KIAA1217: variants seen among roughly 807,000 people sequenced by gnomAD.
KIAA1217 encodes the protein sickle tail protein homolog.
A neutral mutation model predicts 163.9 loss-of-function variants in KIAA1217; 88 were observed. The observed-to-expected ratio is 0.54, with a 90% CI of 0.45 to 0.64. KIAA1217 has a LOEUF of 0.64. KIAA1217 is among the 30% of genes least tolerant of loss of function. The pLI is 0.00. For synonymous variants in KIAA1217, 903 were observed against 923.1 expected (o/e 0.98, Z 0.39); for missense variants, 2,372 against 2,475.0 (o/e 0.96, Z 0.88).
intron 5 of KIAA1217, among the ~76,000 whole-genome samples, chr10:24,446,990 C>T (rs939130581): frequency 5.3e-5 from 8 of 152,110 alleles, no homozygotes; most frequent in East Asian, 1.9e-4. Flanking sequence ...GTCATCGCCA[C>T]ATGTCCATGG....
chr10:23,975,419 T>G (rs942035831), intron 1 of KIAA1217, among the ~76,000 whole-genome samples: 1 of 152,226 alleles, frequency 6.6e-6, no homozygotes, highest in African/African-American at 2.4e-5. Context: ...CTTCCAAATT[T>G]TTCTTCCTAA....
intron 2 of KIAA1217, among the ~76,000 whole-genome samples, chr10:24,072,488 G>T (rs1167356946): frequency 6.6e-6 from 1 of 152,084 alleles, no homozygotes; most frequent in Non-Finnish European, 1.5e-5. Context: ...ATAATAATAA[G>T]CATGATTATT....
At chr10:23,860,093 G>A (rs190773207) in intron 1 of KIAA1217, among the ~76,000 whole-genome samples, 61 of 152,228 alleles carry the variant, frequency 4.0e-4, no homozygotes, top group African/African-American at 1.2e-3. Flanking sequence ...CCCCTCGTAC[G>A]TTCTGATTTC....
rs1418971897 is a variant in KIAA1217, at chr10:24,544,183, T to C, written c.4913T>C (p.Val1638Ala). 1.9e-6 allele frequency: 3 copies of C among 1,613,700 alleles called. No homozygotes were observed. In the African/African-American group the frequency reaches 4.0e-5, roughly 22 times the overall value. ...CCTGAAGACACCCCTGAAAACACAG[T>C]GAGGAGGCAAGAGCAGCCCAGCATC... The part of the protein sequence containing the change: ...SQPEDTPENT[V>A]RRQEQPSIES... Residue 1638 changes from valine (V) to alanine (A), a missense_variant, in exon 19 of 21, where the codon GTG (valine) becomes GCG (alanine). Coordinates refer to ENST00000376454, the MANE Select transcript of KIAA1217 (RefSeq NM_019590.5).
intron 1 of KIAA1217, among the ~76,000 whole-genome samples, chr10:23,930,970 A>G (rs1403703723): frequency 6.6e-6 from 1 of 152,126 alleles, no homozygotes; most frequent in Non-Finnish European, 1.5e-5. Context: ...CTTTTTTGCA[A>G]TTAAAGAATA....
intron 1 of KIAA1217, among the ~76,000 whole-genome samples, chr10:23,934,625 A>ATATATATGTATATATATATATATATT (rs1554826424): frequency 1.5e-5 from 1 of 68,570 alleles, no homozygotes; most frequent in African/African-American, 9.2e-5. Context: ...ATATATATAT[A>ATATATATGTATATATATATATATATT]TTTTTTTTTT....
intron 1 of KIAA1217, among the ~76,000 whole-genome samples, chr10:23,709,852 T>C (rs951009542): frequency 6.6e-6 from 1 of 152,238 alleles, no homozygotes; most frequent in Non-Finnish European, 1.5e-5. Context: ...TCTGAAAGCT[T>C]AGCCATTGTG....
chr10:23,845,043 C>T (rs12245001), intron 1 of KIAA1217, among the ~76,000 whole-genome samples: 1,972 of 152,198 alleles, frequency 0.013, 62 homozygotes, highest in African/African-American at 0.045. Context: ...CAGCTTCATC[C>T]ATGTCCCTGC....
intron 1 of KIAA1217, among the ~76,000 whole-genome samples, chr10:23,854,613 G>T (rs1370461004): frequency 1.1e-4 from 17 of 152,232 alleles, no homozygotes; most frequent in Admixed American, 6.5e-5. Flanking sequence ...TGACAGTGGG[G>T]TGTTAAAGTC....
intron 3 of KIAA1217, among the ~76,000 whole-genome samples, chr10:24,430,863 T>A (rs1248773497): frequency 6.6e-6 from 1 of 152,236 alleles, no homozygotes; most frequent in East Asian, 1.9e-4. Context: ...TCCTGCTATG[T>A]GGCCCAGTTC....
chr10:23,739,401 AAGT>A (rs1838984881), intron 1 of KIAA1217, among the ~76,000 whole-genome samples: 1 of 152,202 alleles, frequency 6.6e-6, no homozygotes, highest in African/African-American at 2.4e-5. Flanking sequence ...TTTTTTAAAA[AAGT>A]AGATAAAGAT....
At chr10:24,211,838 A>C (rs961059249) in intron 1 of KIAA1217, among the ~76,000 whole-genome samples, 1 of 151,812 alleles carries the variant, frequency 6.6e-6, no homozygotes, top group African/African-American at 2.4e-5. Flanking sequence ...ATTGAAGGTA[A>C]TGCCCAAAGC....
chr10:24,338,074 G>A lies in KIAA1217; in HGVS notation c.355-42795G>A, dbSNP rs559803338. ...TAATCTAGAAAGCAACCAACAAATGGCCAATGCAGCATGAGTCTCAATGTC... is the reference window on the plus strand; with the variant it reads ...TAATCTAGAAAGCAACCAACAAATGACCAATGCAGCATGAGTCTCAATGTC... On this transcript the variant is annotated intron_variant, in intron 2 of 20. Coordinates refer to ENST00000376454, the MANE Select transcript of KIAA1217 (RefSeq NM_019590.5). 2.0e-5 allele frequency among the ~76,000 whole-genome samples: 3 copies of A among 152,212 alleles called. No individual in the cohort carries two copies. In the East Asian group the frequency reaches 5.8e-4, roughly 29 times the overall value.
intron 2 of KIAA1217, among the ~76,000 whole-genome samples, chr10:24,239,673 ATGTG>A (rs150874554): frequency 2.3e-3 from 337 of 147,452 alleles, no homozygotes; most frequent in Non-Finnish European, 3.1e-3. Flanking sequence ...TTATTCCCAG[ATGTG>A]TGTGTGTGTG....
chr10:23,816,415 C>T (rs555986469), intron 1 of KIAA1217, among the ~76,000 whole-genome samples: 10 of 151,714 alleles, frequency 6.6e-5, no homozygotes, highest in African/African-American at 2.4e-4. Flanking sequence ...GCCTCAGCCT[C>T]CCAAGTAGCT....
chr10:24,377,141 C>A (rs2052617629), intron 2 of KIAA1217, among the ~76,000 whole-genome samples: 1 of 152,130 alleles, frequency 6.6e-6, no homozygotes, highest in South Asian at 2.1e-4. Context: ...ATAGAAAGGA[C>A]AAGTGGGGTT....
chr10:23,717,519 T>TATAC (rs1258605915), intron 1 of KIAA1217, among the ~76,000 whole-genome samples: 3 of 152,128 alleles, frequency 2.0e-5, no homozygotes, highest in African/African-American at 7.2e-5. Flanking sequence ...CAACATGGAA[T>TATAC]ATACATACAT....
At chr10:24,263,576 G>A (rs1234269058) in intron 2 of KIAA1217, among the ~76,000 whole-genome samples, 1 of 152,132 alleles carries the variant, frequency 6.6e-6, no homozygotes, top group Non-Finnish European at 1.5e-5. Context: ...TCAATGCCTT[G>A]TTTTGCAGCC....
In KIAA1217 at chr10:24,386,478, A is replaced by T. The variant is rs1195497891; in HGVS notation, c.553+5411A>T. The stretch of plus-strand genomic sequence containing the variant: ...GAATTGTCTGTCTCTAAAGATGAAA[A>T]CAAAGAGGGGGCAACAACTGTAAGA... On this transcript the variant is annotated intron_variant, in intron 3 of 20. Transcript: ENST00000376454. Among the ~76,000 whole-genome samples, 3 of 152,208 alleles carry T rather than the reference A, an allele frequency of 2.0e-5. No homozygotes were observed. The East Asian group carries it at 5.8e-4, about 29-fold the overall frequency.
Sources: allele counts gnomAD v4.1 joint callset (sites outside exome capture counted in the v4.1 genomes callset), GRCh38; gene constraint gnomAD v4.1.1; transcripts MANE v1.5; gene names NCBI Gene and HGNC (gene_info 2026-07-23, HGNC 2026-07-21).